Variants in AHCYL1 observed in about 807,000 individuals in gnomAD.
AHCYL1 encodes S-adenosylhomocysteine hydrolase-like protein 1.
A neutral mutation model predicts 79.3 loss-of-function variants in AHCYL1; 20 were observed. The observed-to-expected ratio is 0.25, with a 90% confidence interval of 0.18 to 0.37. The LOEUF (loss-of-function observed/expected upper bound fraction) is 0.37, where lower values mean the gene tolerates loss of function less well. Ranked by LOEUF, AHCYL1 falls within the 10% of genes least tolerant of loss-of-function variation. The probability of loss-of-function intolerance (pLI) is 1.00; values close to 1 mark genes in which losing one functional copy is unlikely to be tolerated. For synonymous variants in AHCYL1, 223 were observed against 242.2 expected (o/e 0.92, Z 0.74); for missense variants, 330 against 673.6 (o/e 0.49, Z 5.65).
rs764459829 is a variant in AHCYL1 at position 110,012,399 on chromosome 1, G to C, written c.414G>C (p.Gln138His). ...SALISLRKRAQGEKPLAGAKI... is the reference protein window; with the variant it reads ...SALISLRKRAHGEKPLAGAKI... Reference sequence around the variant, plus strand: ...TGATTTCACTCAGGAAACGTGCTCAGGGGGAGAAGCCCTTGGCTGGTGCTA... The same window carrying C: ...TGATTTCACTCAGGAAACGTGCTCACGGGGAGAAGCCCTTGGCTGGTGCTA... The change falls in exon 4 of 17, where the codon CAG becomes CAC. Residue 138 changes from glutamine to histidine, a missense_variant. By Grantham distance (24) the Gln-to-His change is conservative. Coordinates refer to ENST00000369799, the MANE Select transcript of AHCYL1 (RefSeq NM_006621.7). 2 of 1,613,950 alleles carry C rather than the reference G, an allele frequency of 1.2e-6. No homozygotes were observed. Among genetic ancestry groups the C allele is most frequent in the East Asian group, 4.5e-5 (2 of 44,888 alleles).
chr1:110,020,603 T>G, intron 15 of AHCYL1, 128 bp from the exon 16 acceptor site: 2 of 1,241,166 alleles, frequency 1.6e-6, no homozygotes, highest in Non-Finnish European at 1.1e-6. Flanking sequence ...TTTCAAGTTG[T>G]GGATTCTTTC....
intron 15 of AHCYL1, 50 bp from the exon 16 acceptor site, chr1:110,020,679 TGA>T: frequency 6.5e-7 from 1 of 1,531,660 alleles, no homozygotes; most frequent in Non-Finnish European, 8.8e-7. Flanking sequence ...AGTTATAACT[TGA>T]GAGACATTTT....
At chr1:110,006,751 G>A (rs187294462) in intron 1 of AHCYL1, among the ~76,000 whole-genome samples, 3 of 152,340 alleles carry the variant, frequency 2.0e-5, no homozygotes, top group Non-Finnish European at 2.9e-5. Flanking sequence ...TCTTCAGGCT[G>A]TAATTTGGGG....
chr1:110,000,441 C>T (rs974927933), intron 1 of AHCYL1, among the ~76,000 whole-genome samples: 1 of 152,190 alleles, frequency 6.6e-6, no homozygotes, highest in African/African-American at 2.4e-5. Flanking sequence ...CTCACCCTTT[C>T]CAGATCTATG....
chr1:109,997,626 G>A (rs1016461506), intron 1 of AHCYL1, among the ~76,000 whole-genome samples: 1 of 152,126 alleles, frequency 6.6e-6, no homozygotes, highest in Non-Finnish European at 1.5e-5. Flanking sequence ...TGGAAAAGTT[G>A]GTGTTAAACT....
chr1:110,016,103 A>G (rs1239453897), intron 7 of AHCYL1, among the ~76,000 whole-genome samples: 1 of 152,202 alleles, frequency 6.6e-6, no homozygotes, highest in Non-Finnish European at 1.5e-5. Context: ...GAAGAGAAGT[A>G]CATTTCTTCA....
chr1:109,993,020 C>G (rs567390618), intron 1 of AHCYL1, among the ~76,000 whole-genome samples: 2 of 152,288 alleles, frequency 1.3e-5, no homozygotes, highest in Non-Finnish European at 2.9e-5. Context: ...ATTGTCAGCT[C>G]CCTCTTTGGG....
chr1:110,006,962 G>A (rs1463821521), intron 1 of AHCYL1, among the ~76,000 whole-genome samples: 2 of 152,178 alleles, frequency 1.3e-5, no homozygotes, highest in African/African-American at 4.8e-5. Context: ...TGGTTAGTAA[G>A]CTGCTAAGCT....
chr1:110,016,338 CTT>C lies in AHCYL1; in HGVS notation c.783-4_783-3del, dbSNP rs1283181496. The C allele has an allele frequency of 2.5e-6, 4 of 1,607,530 alleles. No homozygotes were observed. Among genetic ancestry groups the C allele is most frequent in the Non-Finnish European group, 2.5e-6 (3 of 1,177,324 alleles). ...TGTTTGTTTTTGTGACCTCTTCTCT[CTT>C]TAGGCTGTATCAGCTCTCCAAAGCT... On this transcript the variant is annotated splice_region_variant and splice_polypyrimidine_tract_variant and intron_variant, in intron 7 of 16. Transcript: ENST00000369799.
rs1423512702 is a variant in AHCYL1 at position 110,012,444 on chromosome 1, C to T, written c.459C>T (p.His153=). 4 of 1,608,280 alleles carry T rather than the reference C, an allele frequency of 2.5e-6. No individual in the cohort carries two copies. Among genetic ancestry groups the T allele is most frequent in the Non-Finnish European group, 3.4e-6 (4 of 1,177,524 alleles). Residue 153 remains histidine (H), a synonymous_variant, in exon 4 of 17, where the codon CAC becomes CAT. Coordinates refer to ENST00000369799, the MANE Select transcript of AHCYL1 (RefSeq NM_006621.7). ...GTGCTAAAATAGTGGGCTGTACACA[C>T]ATCACAGCCCAGACAGCGGTGAGTT... is the stretch of plus-strand genomic sequence containing the variant. ...LAGAKIVGCT[H]ITAQTAVLIE...
chr1:110,012,682 A>G (rs570092670), intron 4 of AHCYL1, among the ~76,000 whole-genome samples: 1 of 152,244 alleles, frequency 6.6e-6, no homozygotes, highest in African/African-American at 2.4e-5. Flanking sequence ...CAAACATATG[A>G]TTGTTATAAA....
intron 1 of AHCYL1, among the ~76,000 whole-genome samples, chr1:109,992,274 G>A (rs1176963439): frequency 1.3e-5 from 2 of 152,020 alleles, no homozygotes; most frequent in African/African-American, 2.4e-5. Context: ...GCTGGGTGTG[G>A]CAGCACACAC....
At position 110,017,365 on chromosome 1, in the gene AHCYL1, G is replaced by A. The variant is rs966469209; in HGVS notation, c.964-130G>A. 621 of 733,070 alleles carry A rather than the reference G, an allele frequency of 8.5e-4. 4 individuals carry two copies. Among genetic ancestry groups the A allele is most frequent in the East Asian group, 7.6e-4 (29 of 38,182 alleles). 45.4% of individuals were successfully genotyped at this position (733,070 alleles called of 1,614,324 possible). A position where few individuals can be genotyped will look rare whatever the true frequency, so the allele number is the denominator to read the frequency against. ...TTTCTGTTCTGCTTGGGATTGGAGC[G>A]TCTGTGCAGCTGCTCACCAGATGAC... On this transcript the variant is annotated intron_variant, in intron 9 of 16. Coordinates refer to ENST00000369799, the MANE Select transcript of AHCYL1 (RefSeq NM_006621.7).
At chr1:109,998,698 G>A (rs951490060) in intron 1 of AHCYL1, among the ~76,000 whole-genome samples, 7 of 152,048 alleles carry the variant, frequency 4.6e-5, no homozygotes, top group Non-Finnish European at 8.8e-5. Flanking sequence ...GGCTGGTCTC[G>A]AACTTCTGAC....
At chr1:110,006,710 T>C (rs138651431) in intron 1 of AHCYL1, among the ~76,000 whole-genome samples, 4 of 152,246 alleles carry the variant, frequency 2.6e-5, no homozygotes, top group African/African-American at 9.6e-5. Context: ...AGAGCAGATG[T>C]ATTCCACAGC....
intron 1 of AHCYL1, among the ~76,000 whole-genome samples, chr1:109,996,779 A>G (rs1358873236): frequency 1.3e-5 from 2 of 152,174 alleles, no homozygotes; most frequent in Admixed American, 1.3e-4. Context: ...TCATATTCTT[A>G]TGGAACCACC....
rs191154002 is a variant in AHCYL1, at chr1:110,023,048, G to A, written c.*1368G>A. On this transcript the variant is annotated 3_prime_UTR_variant, in exon 17 of 17. Transcript: ENST00000369799. ...CCAGCATTTCTGCATGGTCAAGTGA[G>A]CTTTATGCTCATGAGCTTTAAGTAT... 2.4e-4 allele frequency: 37 copies of A among 152,706 alleles called. No individual in the cohort carries two copies. Among genetic ancestry groups the A allele is most frequent in the Non-Finnish European group, 3.5e-4 (24 of 68,026 alleles). 9.5% of individuals were successfully genotyped at this position (152,706 alleles called of 1,614,324 possible). A position where few individuals can be genotyped will look rare whatever the true frequency, so the allele number is the denominator to read the frequency against.
chr1:109,989,831 T>C (rs897300297), intron 1 of AHCYL1, among the ~76,000 whole-genome samples: 1 of 152,234 alleles, frequency 6.6e-6, no homozygotes, highest in African/African-American at 2.4e-5. Flanking sequence ...GAACACATGC[T>C]AATGAGGTGC....
intron 1 of AHCYL1, among the ~76,000 whole-genome samples, chr1:109,986,663 G>C (rs1649484801): frequency 6.6e-6 from 1 of 152,222 alleles, no homozygotes; most frequent in Admixed American, 6.5e-5. Flanking sequence ...CCCAGACTCT[G>C]TCTTCTTTGC....
Sources: allele counts gnomAD v4.1 joint callset (sites outside exome capture counted in the v4.1 genomes callset), GRCh38; gene constraint gnomAD v4.1.1; transcripts MANE v1.5; gene names NCBI Gene and HGNC (gene_info 2026-07-23, HGNC 2026-07-21).